Variants in FNDC3B observed in about 807,000 individuals in gnomAD.
FNDC3B encodes fibronectin type III domain containing 3B, also known as fibronectin type III domain-containing protein 3B.
Under a neutral mutation model 151.5 loss-of-function variants are expected in FNDC3B, and 12 were observed. The ratio of observed to expected loss-of-function variants is 0.08; its 90% CI spans 0.05 to 0.13. The LOEUF (loss-of-function observed/expected upper bound fraction) is 0.13. Among genes scored for constraint, FNDC3B ranks in the 10% least tolerant of loss-of-function variants. The pLI is 1.00. For missense variants in FNDC3B, 1,214 were observed against 1,505.3 expected (o/e 0.81, Z 3.20); for synonymous variants, 528 against 549.0 (o/e 0.96, Z 0.54).
intron 22 of FNDC3B, among the ~76,000 whole-genome samples, chr3:172,360,401 A>G (rs11927548): frequency 0.036 from 5,429 of 152,174 alleles, 333 homozygotes; most frequent in African/African-American, 0.12. Flanking sequence ...GTCTCTAGTT[A>G]TTTTCATTCT....
intron 3 of FNDC3B, among the ~76,000 whole-genome samples, chr3:172,199,744 C>T (rs1318995740): frequency 6.6e-6 from 1 of 152,088 alleles, no homozygotes; most frequent in East Asian, 1.9e-4. Context: ...TAAATGTGAG[C>T]TATACACACA....
chr3:172,247,220 C>T (rs1001847019), intron 4 of FNDC3B, among the ~76,000 whole-genome samples: 5 of 152,206 alleles, frequency 3.3e-5, no homozygotes, highest in Admixed American at 6.5e-5. Context: ...TAAATTCACT[C>T]GTCTTGGATG....
chr3:172,269,075 A>G (rs1261659702), intron 6 of FNDC3B, among the ~76,000 whole-genome samples: 1 of 152,154 alleles, frequency 6.6e-6, no homozygotes, highest in Non-Finnish European at 1.5e-5. Context: ...TCTTAAGTGG[A>G]GAGAATATGA....
intron 1 of FNDC3B, among the ~76,000 whole-genome samples, chr3:172,070,460 C>G (rs567844065): frequency 6.6e-6 from 1 of 152,118 alleles, no homozygotes; most frequent in Admixed American, 6.5e-5. Context: ...AAAACCAGGT[C>G]GCATGAAAGG....
At chr3:172,191,087 A>G (rs890743013) in intron 3 of FNDC3B, among the ~76,000 whole-genome samples, 1 of 152,246 alleles carries the variant, frequency 6.6e-6, no homozygotes, top group Non-Finnish European at 1.5e-5. Flanking sequence ...AGACTGTAGA[A>G]TATAACCAAC....
At chr3:172,242,283 TCTGGAGGATGGTAGCC>T (rs1727536606) in intron 4 of FNDC3B, among the ~76,000 whole-genome samples, 1 of 152,168 alleles carries the variant, frequency 6.6e-6, no homozygotes, top group African/African-American at 2.4e-5. Context: ...CATTCTGGGA[TCTGGAGGATGGTAGCC>T]CTCTAGGCAG....
At chr3:172,350,087 T>C (rs1733790594) in intron 21 of FNDC3B, among the ~76,000 whole-genome samples, 1 of 152,232 alleles carries the variant, frequency 6.6e-6, no homozygotes, top group African/African-American at 2.4e-5. Context: ...AGTATAAAAG[T>C]AGTACACAAT....
At chr3:172,190,424 C>T (rs185359333) in intron 3 of FNDC3B, among the ~76,000 whole-genome samples, 2 of 152,296 alleles carry the variant, frequency 1.3e-5, no homozygotes, top group East Asian at 3.9e-4. Flanking sequence ...TAGTGTTCTT[C>T]CAAATGCTAG....
intron 6 of FNDC3B, among the ~76,000 whole-genome samples, chr3:172,258,455 C>G (rs1398849160): frequency 6.6e-6 from 1 of 152,136 alleles, no homozygotes; most frequent in Non-Finnish European, 1.5e-5. Context: ...GATCATTGCT[C>G]AGAAACCAGA....
chr3:172,392,137 C>T lies in FNDC3B; in HGVS notation c.3304-5027C>T, dbSNP rs182758348. Among the ~76,000 whole-genome samples, 64 of 152,234 alleles carry T rather than the reference C, an allele frequency of 4.2e-4. 1 individual carries two copies. The highest frequency in any genetic ancestry group is 3.7e-4 in the Non-Finnish European group (25 of 68,012). Reference sequence around the variant, plus strand: ...CCATAACAATGGGCTCATCTTAAAACGTTCATTTAGATTCATTATTGGAAC... The same window carrying T: ...CCATAACAATGGGCTCATCTTAAAATGTTCATTTAGATTCATTATTGGAAC... On this transcript the variant is annotated intron_variant, in intron 25 of 25. Coordinates refer to ENST00000415807, the MANE Select transcript of FNDC3B (RefSeq NM_022763.4).
Position 172,352,031 on chromosome 3 carries a change from G to C in FNDC3B, c.2515-772G>C, listed in dbSNP as rs1034825135. Reference sequence around the variant, plus strand: ...TGGCGTTTACTCCTTGAGACAAGACGACATCTCCAAATGTTTGAGTAGAGG... The same window carrying C: ...TGGCGTTTACTCCTTGAGACAAGACCACATCTCCAAATGTTTGAGTAGAGG... On this transcript the variant is annotated intron_variant, in intron 21 of 25. Transcript: ENST00000415807. The surrounding 1 kb of genome is among the most constrained non-coding windows in gnomAD (Gnocchi z 4.2). Among the ~76,000 whole-genome samples, 1 of 152,170 alleles carries C rather than the reference G, an allele frequency of 6.6e-6. No homozygotes were observed. The highest frequency in any genetic ancestry group is 1.5e-5 in the Non-Finnish European group (1 of 68,038).
intron 3 of FNDC3B, among the ~76,000 whole-genome samples, chr3:172,218,590 A>T (rs1023266297): frequency 8.5e-5 from 13 of 152,188 alleles, no homozygotes; most frequent in African/African-American, 3.1e-4. Context: ...TTGTTAAGAT[A>T]TTATTCATCG....
At chr3:172,218,581 T>G (rs1356231444) in intron 3 of FNDC3B, among the ~76,000 whole-genome samples, 1 of 152,182 alleles carries the variant, frequency 6.6e-6, no homozygotes, top group African/African-American at 2.4e-5. Flanking sequence ...GTGTGAAAGT[T>G]GTTAAGATAT....
intron 1 of FNDC3B, among the ~76,000 whole-genome samples, chr3:172,110,805 C>T (rs1719921983): frequency 6.6e-6 from 1 of 152,006 alleles, no homozygotes; most frequent in Non-Finnish European, 1.5e-5. Context: ...TTAATCCAAC[C>T]TGCGATTTTG....
chr3:172,170,104 A>T (rs1002408798), intron 3 of FNDC3B, among the ~76,000 whole-genome samples: 38 of 152,370 alleles, frequency 2.5e-4, no homozygotes, highest in African/African-American at 8.7e-4. Context: ...TATATTAAAA[A>T]TATAAGCAAA....
At position 172,097,627 on chromosome 3, in the gene FNDC3B, C is replaced by T. The variant is rs148615780; in HGVS notation, c.-28-14825C>T. ...TACAACTTATTCGTTATTCTATTATCCATAAGTTAAGCATTAACATTTTGG... is the reference window on the plus strand; with the variant it reads ...TACAACTTATTCGTTATTCTATTATTCATAAGTTAAGCATTAACATTTTGG... On this transcript the variant is annotated intron_variant, in intron 1 of 25. Transcript: ENST00000415807. Among the ~76,000 whole-genome samples the T allele has an allele frequency of 6.9e-4, 105 of 152,224 alleles. 1 individual carries two copies. Among genetic ancestry groups the T allele is most frequent in the African/African-American group, 2.3e-3 (96 of 41,532 alleles).
At chr3:172,186,632 G>T (rs1193304746) in intron 3 of FNDC3B, 1 of 672,266 alleles carries the variant, frequency 1.5e-6, no homozygotes, top group African/African-American at 1.8e-5. Context: ...TTTAAAAAAT[G>T]AAGAAAATGG....
chr3:172,128,338 G>GT (rs1720904974), intron 2 of FNDC3B, among the ~76,000 whole-genome samples: 1 of 152,164 alleles, frequency 6.6e-6, no homozygotes, highest in African/African-American at 2.4e-5. Context: ...CTTTGCATGT[G>GT]TTATTACCAC....
At chr3:172,163,846 A>G (rs372012465) in intron 3 of FNDC3B, among the ~76,000 whole-genome samples, 3 of 152,194 alleles carry the variant, frequency 2.0e-5, no homozygotes, top group African/African-American at 7.2e-5. Flanking sequence ...TTCCTAGATA[A>G]TGCCAGAGTC....
Sources: allele counts gnomAD v4.1 joint callset (sites outside exome capture counted in the v4.1 genomes callset), GRCh38; gene constraint gnomAD v4.1.1; non-coding constraint Gnocchi (gnomAD v3.1); transcripts MANE v1.5; gene names NCBI Gene and HGNC (gene_info 2026-07-23, HGNC 2026-07-21).